The following MYO1E variants were observed in gnomAD, a reference collection of about 807,000 sequenced individuals.
MYO1E encodes the protein myosin IE, also known as unconventional myosin-Ie.
Under a neutral mutation model 151.1 loss-of-function variants are expected in MYO1E, and 68 were observed. The observed-to-expected ratio is 0.45, with a 90% CI of 0.37 to 0.55. MYO1E has a LOEUF of 0.55. Ranked by LOEUF, MYO1E falls within the 20% of genes least tolerant of loss-of-function variation. The probability of loss-of-function intolerance (pLI) is 0.00; values close to 1 mark genes in which losing one functional copy is unlikely to be tolerated. For synonymous variants in MYO1E, 601 were observed against 501.7 expected, an observed-to-expected ratio of 1.20 and a Z score of -2.64; for missense variants, 1,363 against 1,389.3, an observed-to-expected ratio of 0.98 and a Z score of 0.30.
chr15:59,282,670 A>AT (rs1359551965), intron 1 of MYO1E, among the ~76,000 whole-genome samples: 20 of 147,698 alleles, frequency 1.4e-4, no homozygotes, highest in African/African-American at 4.8e-4. Context: ...ACATAGCGAG[A>AT]CCCCATCTCT....
At chr15:59,201,383 T>C (rs1379725906) in intron 16 of MYO1E, among the ~76,000 whole-genome samples, 3 of 150,082 alleles carry the variant, frequency 2.0e-5, no homozygotes, top group East Asian at 3.9e-4. Context: ...CCAGAGCCAC[T>C]ACATCTGGCT....
intron 1 of MYO1E, among the ~76,000 whole-genome samples, chr15:59,344,364 CCAAA>C (rs367916033): frequency 3.3e-5 from 5 of 152,188 alleles, no homozygotes; most frequent in East Asian, 1.9e-4. Flanking sequence ...TTACTTTTTC[CCAAA>C]CAGAGTTTTG....
intron 2 of MYO1E, among the ~76,000 whole-genome samples, chr15:59,262,209 AAAAAAAAAAT>A (rs1289030584): frequency 2.0e-5 from 2 of 102,234 alleles, no homozygotes; most frequent in African/African-American, 3.1e-5. Context: ...TCTTGTCTCC[AAAAAAAAAAT>A]AAAAAAAAAT....
intron 1 of MYO1E, among the ~76,000 whole-genome samples, chr15:59,297,864 G>T (rs1291771838): frequency 6.6e-6 from 1 of 152,188 alleles, no homozygotes; most frequent in Non-Finnish European, 1.5e-5. Context: ...TTACAGGCAT[G>T]AGTTTTCCTT....
chr15:59,151,049 A>ACACG lies in MYO1E; in HGVS notation c.3080+2540_3080+2541insCGTG, dbSNP rs375186279. 1.2e-3 allele frequency among the ~76,000 whole-genome samples: 158 copies of ACACG among 129,620 alleles called. 1 individual carries two copies. The highest frequency in any genetic ancestry group is 4.3e-3 in the African/African-American group (148 of 34,550). 85.0% of individuals were successfully genotyped at this position (129,620 alleles called of 152,430 possible). A position where few individuals can be genotyped will look rare whatever the true frequency, so the allele number is the denominator to read the frequency against. On this transcript the variant is annotated intron_variant, in intron 26 of 27. Coordinates refer to ENST00000288235, the MANE Select transcript of MYO1E (RefSeq NM_004998.4). Reference sequence around the variant, plus strand: ...CACACACACACACACACACACACACACGCGCGCGCGCGCACGTGCACTTAG... The same window carrying ACACG: ...CACACACACACACACACACACACACACACGCGCGCGCGCGCGCACGTGCACTTAG...
In MYO1E at chr15:59,311,801, G is replaced by C. The variant is rs563796848; in HGVS notation, c.4-39352C>G. 8.5e-5 allele frequency among the ~76,000 whole-genome samples: 13 copies of C among 152,246 alleles called. No homozygotes were observed. The South Asian group carries it at 2.5e-3, about 29-fold the overall frequency. On this transcript the variant is annotated intron_variant, in intron 1 of 27. Transcript: ENST00000288235. ...AGGACTCTGCCCTCATAAATAAATG[G>C]ATGCTGTTATTGTGGGAGTGGGTTT...
chr15:59,227,561 T>C lies in MYO1E; in HGVS notation c.540A>G (p.Pro180=), dbSNP rs781496273. 8 of 1,614,090 alleles carry C rather than the reference T, an allele frequency of 5.0e-6. No homozygotes were observed. The African/African-American group carries it at 9.3e-5, about 19-fold the overall frequency. Reference sequence around the variant, plus strand: ...TCTTTCCACCATCTGGTTCCCCACCTGGACTGAACTGGATTTCAAAGTATT... The same window carrying C: ...TCTTTCCACCATCTGGTTCCCCACCCGGACTGAACTGGATTTCAAAGTATT... ...FGKYFEIQFS[P]GGEPDGGKIS... Residue 180 remains proline (P), a synonymous_variant, in exon 7 of 28, where the codon CCA becomes CCG. Coordinates refer to ENST00000288235, the MANE Select transcript of MYO1E (RefSeq NM_004998.4).
chr15:59,365,298 CG>C (rs2080906924), intron 1 of MYO1E, among the ~76,000 whole-genome samples: 1 of 152,180 alleles, frequency 6.6e-6, no homozygotes, highest in Admixed American at 6.5e-5. Flanking sequence ...GGATTACGGG[CG>C]TTAGCCACCG....
At chr15:59,180,702 C>T (rs528845524) in intron 18 of MYO1E, among the ~76,000 whole-genome samples, 3 of 152,074 alleles carry the variant, frequency 2.0e-5, no homozygotes, top group Non-Finnish European at 4.4e-5. Context: ...CCTTTGGTAT[C>T]GCACTGGAGA....
intron 1 of MYO1E, among the ~76,000 whole-genome samples, chr15:59,371,433 AG>A (rs2080943806): frequency 3.2e-5 from 2 of 62,020 alleles, no homozygotes; most frequent in South Asian, 6.7e-4. Flanking sequence ...GCCTTGTAAT[AG>A]ATTTTTTTTT....
intron 7 of MYO1E, among the ~76,000 whole-genome samples, chr15:59,225,981 C>A (rs371057532): frequency 4.8e-4 from 73 of 152,282 alleles, no homozygotes; most frequent in African/African-American, 1.7e-3. Context: ...TGAACCCCTG[C>A]GCCCATCAGT....
intron 14 of MYO1E, chr15:59,208,036 A>T: frequency 6.3e-7 from 1 of 1,589,092 alleles, no homozygotes; most frequent in Non-Finnish European, 8.5e-7. Context: ...GGCCCATCTG[A>T]AAAAAAGTGC....
chr15:59,288,503 A>G (rs186539995), intron 1 of MYO1E, among the ~76,000 whole-genome samples: 6 of 152,314 alleles, frequency 3.9e-5, no homozygotes, highest in Admixed American at 3.3e-4. Flanking sequence ...AGTACATTAA[A>G]AGAGATAACG....
At chr15:59,267,474 CT>C (rs1269051407) in intron 2 of MYO1E, among the ~76,000 whole-genome samples, 1 of 152,228 alleles carries the variant, frequency 6.6e-6, no homozygotes, top group African/African-American at 2.4e-5. Context: ...GAACTCGAAG[CT>C]TTGGCTCCAG....
chr15:59,270,128 A>G (rs1347335467), intron 2 of MYO1E, among the ~76,000 whole-genome samples: 3 of 152,222 alleles, frequency 2.0e-5, no homozygotes, highest in Non-Finnish European at 4.4e-5. Flanking sequence ...ATAAGTAAAT[A>G]ATAACGTAAT....
intron 19 of MYO1E, among the ~76,000 whole-genome samples, chr15:59,176,234 G>T (rs1201529785): frequency 1.3e-5 from 2 of 151,872 alleles, no homozygotes; most frequent in African/African-American, 2.4e-5. Context: ...AATTTTTTTT[G>T]TATTTTTAGT....
chr15:59,138,484 C>G, intron 26 of MYO1E, 117 bp from the exon 27 acceptor site: 1 of 1,126,744 alleles, frequency 8.9e-7, no homozygotes, highest in Non-Finnish European at 1.3e-6. Flanking sequence ...CAGCTCCATC[C>G]TTAGAAGACA....
intron 1 of MYO1E, among the ~76,000 whole-genome samples, chr15:59,313,785 G>A (rs144519117): frequency 5.9e-5 from 9 of 152,320 alleles, no homozygotes; most frequent in African/African-American, 2.2e-4. Context: ...GTGAATTATA[G>A]GGAGAGAGGG....
At chr15:59,249,086 C>G (rs1341632991) in intron 4 of MYO1E, among the ~76,000 whole-genome samples, 1 of 152,186 alleles carries the variant, frequency 6.6e-6, no homozygotes, top group Non-Finnish European at 1.5e-5. Flanking sequence ...GAGCCCTGTG[C>G]TTGAGAAAGC....
Sources: gnomAD v4.1 joint callset for allele counts (sites outside exome capture counted in the v4.1 genomes callset) on GRCh38, gnomAD v4.1.1 for gene constraint, MANE v1.5 for transcripts, NCBI Gene and HGNC (gene_info 2026-07-23, HGNC 2026-07-21) for gene names.